TENM2: variants seen among roughly 807,000 people sequenced by gnomAD.
The protein encoded by TENM2 is teneurin-2.
TENM2 carries 52 observed loss-of-function variants against 245.2 expected under a neutral mutation model. The observed-to-expected ratio is 0.21, with a 90% confidence interval of 0.17 to 0.27. The LOEUF (loss-of-function observed/expected upper bound fraction) is 0.27. TENM2 is among the 10% of genes least tolerant of loss of function. TENM2 has a pLI of 1.00. For missense variants in TENM2, 3,046 were observed against 3,666.8 expected, an observed-to-expected ratio of 0.83 and a Z score of 4.37; for synonymous variants, 1,363 against 1,438.9, an observed-to-expected ratio of 0.95 and a Z score of 1.19.
At chr5:167,493,908 G>A (rs1429461448) in intron 2 of TENM2, among the ~76,000 whole-genome samples, 1 of 152,082 alleles carries the variant, frequency 6.6e-6, no homozygotes, top group Non-Finnish European at 1.5e-5. Flanking sequence ...AGTGGCATGG[G>A]TGTAGCATGT....
At chr5:167,298,417 C>A (rs937956449) in intron 1 of TENM2, among the ~76,000 whole-genome samples, 5 of 152,180 alleles carry the variant, frequency 3.3e-5, no homozygotes, top group Non-Finnish European at 7.3e-5. Flanking sequence ...TCCTGGCTAA[C>A]ACGGTGAAAC....
the TENM2 span, among the ~76,000 whole-genome samples, chr5:167,176,822 T>G: frequency 9.9e-3 from 1,501 of 152,310 alleles, 23 homozygotes; most frequent in African/African-American, 0.034. Flanking sequence ...AAATAATCTA[T>G]TAGGATGGAA....
chr5:167,974,079 AAGGAAGGAAGG>A (rs1407205585), intron 4 of TENM2, among the ~76,000 whole-genome samples: 1 of 8,260 alleles, frequency 1.2e-4, no homozygotes, highest in Non-Finnish European at 1.9e-4. Flanking sequence ...GGGAGGAAGG[AAGGAAGGAAGG>A]GAAGGAAGGA....
At chr5:167,626,404 T>C (rs1582582383) in intron 2 of TENM2, among the ~76,000 whole-genome samples, 1 of 152,224 alleles carries the variant, frequency 6.6e-6, no homozygotes, top group East Asian at 1.9e-4. Context: ...AAACCATTGA[T>C]TGATTGGTGT....
At chr5:167,415,998 A>C (rs1042038177) in intron 2 of TENM2, among the ~76,000 whole-genome samples, 2 of 152,164 alleles carry the variant, frequency 1.3e-5, no homozygotes, top group African/African-American at 4.8e-5. Context: ...CCCTGTGGCC[A>C]TATGCACTTA....
At chr5:167,978,118 A>C (rs1049654548) in intron 4 of TENM2, among the ~76,000 whole-genome samples, 1 of 152,198 alleles carries the variant, frequency 6.6e-6, no homozygotes, top group Admixed American at 6.5e-5. Context: ...TACCAGAAGC[A>C]TATGCTGATG....
At chr5:167,050,425 T>A in the TENM2 span, among the ~76,000 whole-genome samples, 1 of 152,082 alleles carries the variant, frequency 6.6e-6, no homozygotes, top group Non-Finnish European at 1.5e-5. Flanking sequence ...GAAAAAAAAT[T>A]TCTCCCATGA....
At chr5:167,123,248 C>T in the TENM2 span, among the ~76,000 whole-genome samples, 8 of 152,038 alleles carry the variant, frequency 5.3e-5, no homozygotes, top group African/African-American at 9.7e-5. Context: ...GCAGAGGCAG[C>T]GGCAGAGGTT....
chr5:167,947,422 G>A (rs930875466), intron 3 of TENM2, among the ~76,000 whole-genome samples: 6 of 152,026 alleles, frequency 3.9e-5, no homozygotes, highest in Non-Finnish European at 4.4e-5. Context: ...ACAAGTGAAC[G>A]ACTCAGAAAG....
chr5:167,936,006 C>A (rs540513307), intron 3 of TENM2, among the ~76,000 whole-genome samples: 56 of 152,186 alleles, frequency 3.7e-4, no homozygotes, highest in African/African-American at 1.3e-3. Context: ...ATTTCTTTTA[C>A]CACTTTGCAC....
chr5:167,442,524 T>C (rs1764930749), intron 2 of TENM2, among the ~76,000 whole-genome samples: 1 of 152,094 alleles, frequency 6.6e-6, no homozygotes, highest in South Asian at 2.1e-4. Flanking sequence ...TTTCCCATGA[T>C]CTTACCAACA....
At chr5:167,361,528 C>T (rs141373501) in intron 1 of TENM2, among the ~76,000 whole-genome samples, 275 of 152,312 alleles carry the variant, frequency 1.8e-3, no homozygotes, top group African/African-American at 6.3e-3. Flanking sequence ...TCTAATAATT[C>T]TCTACTCCTA....
chr5:167,265,331 C>CAAAAAAAA, the TENM2 span, among the ~76,000 whole-genome samples: 3 of 39,396 alleles, frequency 7.6e-5, no homozygotes, highest in African/African-American at 2.4e-4. Context: ...GACTCTGTCT[C>CAAAAAAAA]AAAAAAAAAA....
chr5:167,948,155 G>A (rs553818141), intron 3 of TENM2, among the ~76,000 whole-genome samples: 43 of 152,182 alleles, frequency 2.8e-4, no homozygotes, highest in Non-Finnish European at 5.9e-4. Flanking sequence ...TGCCGTGTGA[G>A]CAACTCTAAT....
At chr5:167,492,305 C>T (rs1487051376) in intron 2 of TENM2, among the ~76,000 whole-genome samples, 1 of 152,018 alleles carries the variant, frequency 6.6e-6, no homozygotes, top group Non-Finnish European at 1.5e-5. Context: ...CTTGAATGTC[C>T]TTGAGGAGGG....
chr5:167,518,552 A>C (rs1050497398), intron 2 of TENM2, among the ~76,000 whole-genome samples: 9 of 152,160 alleles, frequency 5.9e-5, no homozygotes, highest in African/African-American at 2.2e-4. Flanking sequence ...AGGTTAACCG[A>C]TGTTTTAACG....
the TENM2 span, among the ~76,000 whole-genome samples, chr5:167,278,029 C>T: frequency 6.6e-6 from 1 of 151,976 alleles, no homozygotes. Flanking sequence ...CTTGGTGGAG[C>T]ATGGTGGCTC....
At chr5:167,431,976 T>C (rs1764282867) in intron 2 of TENM2, among the ~76,000 whole-genome samples, 2 of 136,140 alleles carry the variant, frequency 1.5e-5, no homozygotes, top group African/African-American at 6.5e-5. Context: ...TATATATATA[T>C]ATGGAAGTTC....
At chr5:167,160,357 A>T in the TENM2 span, among the ~76,000 whole-genome samples, 2 of 152,184 alleles carry the variant, frequency 1.3e-5, no homozygotes, top group Non-Finnish European at 2.9e-5. Context: ...AATGGTCCCT[A>T]CCACTCATGC....
Sources: allele counts gnomAD v4.1 joint callset (sites outside exome capture counted in the v4.1 genomes callset), GRCh38; gene constraint gnomAD v4.1.1; transcripts MANE v1.5; gene names NCBI Gene and HGNC (gene_info 2026-07-23, HGNC 2026-07-21).